TDRD1: variants seen among roughly 807,000 people sequenced by gnomAD.
TDRD1 encodes the protein tudor domain containing 1.
A neutral mutation model predicts 140.6 loss-of-function variants in TDRD1; 37 were observed. The ratio of observed to expected loss-of-function variants is 0.26; its 90% confidence interval spans 0.20 to 0.35. TDRD1 has a LOEUF of 0.35. Among genes scored for constraint, TDRD1 ranks in the 10% least tolerant of loss-of-function variants. The pLI is 1.00. For missense variants in TDRD1, 1,243 were observed against 1,393.0 expected (o/e 0.89, Z 1.71); for synonymous variants, 506 against 475.7 (o/e 1.06, Z -0.83).
chr10:114,174,907 A>C (rs2032656945), upstream of TDRD1, among the ~76,000 whole-genome samples: 1 of 152,238 alleles, frequency 6.6e-6, no homozygotes, highest in Admixed American at 6.5e-5. Flanking sequence ...TCAGCAGTTC[A>C]GTCTCTGGAG....
chr10:114,185,195 G>GT (rs1169457426), intron 1 of TDRD1, among the ~76,000 whole-genome samples: 1 of 152,054 alleles, frequency 6.6e-6, no homozygotes, highest in East Asian at 1.9e-4. Flanking sequence ...TGGAGTGTTT[G>GT]TTTTTTGTTT....
chr10:114,211,900 T>C (rs753263918), exon 14 of TDRD1: 3 of 1,591,088 alleles, frequency 1.9e-6, no homozygotes, highest in Non-Finnish European at 2.6e-6. Flanking sequence ...CTGTTTTGGC[T>C]TACGCTTCTG....
At chr10:114,226,652 A>C (rs2036454983) in intron 22 of TDRD1, among the ~76,000 whole-genome samples, 1 of 152,132 alleles carries the variant, frequency 6.6e-6, no homozygotes, top group Non-Finnish European at 1.5e-5. Context: ...CATATATTCA[A>C]CTCCTTAGTT....
intron 11 of TDRD1, 57 bp from the exon 12 acceptor site, chr10:114,210,524 T>G: frequency 1.8e-5 from 27 of 1,486,996 alleles, no homozygotes; most frequent in Non-Finnish European, 2.2e-5. Context: ...GTGCATAATT[T>G]TTTTTTTACT....
exon 4 of TDRD1, chr10:114,199,264 C>T (rs143006736): frequency 1.2e-4 from 201 of 1,613,972 alleles, no homozygotes; most frequent in Middle Eastern, 1.6e-4. Flanking sequence ...GGGCTCTTCA[C>T]CTCCTTAGGA....
At chr10:114,192,733 C>T (rs1254945739) in intron 3 of TDRD1, among the ~76,000 whole-genome samples, 8 of 152,136 alleles carry the variant, frequency 5.3e-5, no homozygotes, top group Non-Finnish European at 1.0e-4. Flanking sequence ...ATTGCTTTCA[C>T]ACATTTGCCA....
intron 23 of TDRD1, 151 bp downstream of exon 23, chr10:114,227,450 G>GC: frequency 1.6e-6 from 1 of 642,212 alleles, no homozygotes; most frequent in African/African-American, 1.8e-5. Context: ...TCCTGTGGCT[G>GC]CCTGGGAGGG....
chr10:114,190,579 C>T (rs1484563628), intron 2 of TDRD1, among the ~76,000 whole-genome samples: 1 of 152,172 alleles, frequency 6.6e-6, no homozygotes, highest in East Asian at 1.9e-4. Context: ...CCTCCGCCTC[C>T]CAGGTTCAAG....
At chr10:114,230,562 C>T (rs764729286) in intron 25 of TDRD1, among the ~76,000 whole-genome samples, 22 of 152,236 alleles carry the variant, frequency 1.4e-4, no homozygotes, top group African/African-American at 3.4e-4. Flanking sequence ...CTAGGTCTTA[C>T]GACTTAAAAC....
exon 9 of TDRD1, chr10:114,204,114 A>G (rs760055778): frequency 1.2e-6 from 2 of 1,606,788 alleles, no homozygotes; most frequent in Admixed American, 3.5e-5. Context: ...ATGTGCAGCA[A>G]AAGAAGGCAC....
At chr10:114,231,526 A>G (rs759946019) in exon 26 of TDRD1, 2 of 1,592,162 alleles carry the variant, frequency 1.3e-6, no homozygotes, top group East Asian at 4.6e-5. Context: ...GAGACAGGAA[A>G]CAGCAAAGGC....
exon 15 of TDRD1, chr10:114,213,378 G>A (rs749409535): frequency 1.2e-6 from 2 of 1,613,740 alleles, no homozygotes; most frequent in South Asian, 1.1e-5. Context: ...TTGGACTCCA[G>A]AAGCTATTTG....
At chr10:114,191,803 CAG>C (rs2033983890) in intron 3 of TDRD1, among the ~76,000 whole-genome samples, 1 of 152,134 alleles carries the variant, frequency 6.6e-6, no homozygotes, top group Non-Finnish European at 1.5e-5. Context: ...AAATATTTTC[CAG>C]AGTGACGGTA....
intron 23 of TDRD1, 78 bp downstream of exon 23, chr10:114,227,377 T>G: frequency 7.7e-6 from 8 of 1,033,978 alleles, no homozygotes; most frequent in Non-Finnish European, 1.2e-5. Flanking sequence ...GACTTGACCT[T>G]TTCTCACTTC....
chr10:114,183,017 A>G (rs950831333), intron 1 of TDRD1, among the ~76,000 whole-genome samples: 4 of 152,204 alleles, frequency 2.6e-5, no homozygotes, highest in African/African-American at 7.2e-5. Flanking sequence ...GCCTAGTTCT[A>G]TAAAGCACCA....
At chr10:114,186,130 T>C (rs904982637) in intron 1 of TDRD1, among the ~76,000 whole-genome samples, 1 of 152,232 alleles carries the variant, frequency 6.6e-6, no homozygotes, top group African/African-American at 2.4e-5. Context: ...TAAGATTTCC[T>C]GTGATTTTAA....
chr10:114,214,173 T>G lies in TDRD1; in HGVS notation c.2212+59T>G, dbSNP rs1457687591. 33 of 1,475,040 alleles carry G rather than the reference T, an allele frequency of 2.2e-5. No individual in the cohort carries two copies. In the Admixed American group the frequency reaches 3.9e-4, roughly 18 times the overall value. The allele number at this position is 1,475,040 out of a possible 1,614,324, so 91.4% of individuals were successfully genotyped here. A position where few individuals can be genotyped will look rare whatever the true frequency, so the allele number is the denominator to read the frequency against. The stretch of plus-strand genomic sequence containing the variant: ...AAATACATTGGCATAGATAATAACT[T>G]CACATGAGTTTGTTACTAAGTGATA... On this transcript the variant is annotated intron_variant, in intron 16 of 25. Coordinates refer to ENST00000251864, the Ensembl canonical transcript of TDRD1.
chr10:114,213,827 T>G (rs2035641145), intron 15 of TDRD1, 150 bp from the exon 16 acceptor site: 1 of 727,890 alleles, frequency 1.4e-6, no homozygotes, highest in Admixed American at 3.0e-5. Flanking sequence ...TAATAATTTA[T>G]TGTAAGACTG....
At chr10:114,188,060 T>C (rs374107551) in exon 2 of TDRD1, 8 of 1,614,040 alleles carry the variant, frequency 5.0e-6, no homozygotes, top group South Asian at 2.2e-5. Context: ...CAAACAATAT[T>C]TGGCTAGTCA....
Sources: allele counts gnomAD v4.1 joint callset (sites outside exome capture counted in the v4.1 genomes callset), GRCh38; gene constraint gnomAD v4.1.1; transcripts MANE v1.5; gene names NCBI Gene and HGNC (gene_info 2026-07-23, HGNC 2026-07-21).